FILIP1: variants seen among roughly 807,000 people sequenced by gnomAD.
FILIP1 encodes filamin-A-interacting protein 1.
A neutral mutation model predicts 102.1 loss-of-function variants in FILIP1; 61 were observed. The ratio of observed to expected loss-of-function variants is 0.60; its 90% CI spans 0.49 to 0.74. The LOEUF (loss-of-function observed/expected upper bound fraction) is 0.74, where lower values mean the gene tolerates loss of function less well. FILIP1 is among the 30% of genes least tolerant of loss of function. FILIP1 has a pLI of 0.00. For missense variants in FILIP1, 1,314 were observed against 1,441.2 expected (o/e 0.91, Z 1.43); for synonymous variants, 491 against 526.9 (o/e 0.93, Z 0.93).
intron 2 of FILIP1, among the ~76,000 whole-genome samples, chr6:75,394,378 G>T: frequency 6.6e-6 from 1 of 151,906 alleles, no homozygotes; most frequent in East Asian, 1.9e-4. Context: ...TCTAAGAGTG[G>T]GAAGGCCTCT....
chr6:75,300,156 G>T (rs556274213), intron 6 of FILIP1, among the ~76,000 whole-genome samples: 1 of 152,032 alleles, frequency 6.6e-6, no homozygotes, highest in Non-Finnish European at 1.5e-5. Context: ...AGCAAATAAG[G>T]CCACATCACT....
intron 4 of FILIP1, 32 bp from the exon 5 acceptor site, chr6:75,315,234 G>C: frequency 7.3e-7 from 1 of 1,376,120 alleles, no homozygotes; most frequent in South Asian, 1.6e-5. Flanking sequence ...TATGTTAAAA[G>C]AGTAATCAGC....
chr6:75,330,681 T>C (rs933599471), intron 4 of FILIP1, among the ~76,000 whole-genome samples: 1 of 152,214 alleles, frequency 6.6e-6, no homozygotes, highest in African/African-American at 2.4e-5. Context: ...AAAAATCCAG[T>C]AATTTAATTA....
intron 1 of FILIP1, among the ~76,000 whole-genome samples, chr6:75,417,370 T>G (rs941569925): frequency 6.6e-6 from 1 of 152,188 alleles, no homozygotes; most frequent in Non-Finnish European, 1.5e-5. Flanking sequence ...AATACAAAAG[T>G]ACTCAGCAAT....
chr6:75,455,310 T>C (rs1024996704), intron 1 of FILIP1: 2 of 151,066 alleles, frequency 1.3e-5, no homozygotes, highest in Admixed American at 1.3e-4. Flanking sequence ...GCCCATAAGG[T>C]AAATCAATTG....
intron 2 of FILIP1, among the ~76,000 whole-genome samples, chr6:75,395,650 T>C (rs1382831404): frequency 6.6e-6 from 1 of 152,178 alleles, no homozygotes; most frequent in East Asian, 1.9e-4. Context: ...TGAACACAAG[T>C]TTACTACTGA....
intron 4 of FILIP1, among the ~76,000 whole-genome samples, chr6:75,336,499 A>G (rs1048859252): frequency 2.0e-5 from 3 of 151,470 alleles, no homozygotes; most frequent in Non-Finnish European, 4.4e-5. Flanking sequence ...GGCAACATAA[A>G]CCCATGTGAA....
rs10455311 is a variant in FILIP1 at position 75,457,643 on chromosome 6, T to A, written c.-7+35771A>T. ...CTCTCTCTCTCTCTCTCTCTCTCTC[T>A]CTCTCGTTTCTGTTTTATCAATGCC... On this transcript the variant is annotated intron_variant, in intron 1 of 5. Transcript: ENST00000237172. 2.1e-4 allele frequency among the ~76,000 whole-genome samples: 32 copies of A among 151,142 alleles called. No homozygotes were observed. The South Asian group carries it at 4.8e-3, about 23-fold the overall frequency.
intron 1 of FILIP1, among the ~76,000 whole-genome samples, chr6:75,453,478 T>C (rs1778708930): frequency 6.6e-6 from 1 of 152,176 alleles, no homozygotes. Flanking sequence ...TAGACAACTG[T>C]TTGAAGTGCT....
At chr6:75,351,505 C>T (rs571716303) in intron 4 of FILIP1, among the ~76,000 whole-genome samples, 13 of 152,248 alleles carry the variant, frequency 8.5e-5, no homozygotes, top group East Asian at 3.9e-4. Flanking sequence ...CTGGTATTCA[C>T]GGCCATTTCC....
chr6:75,493,385 GAGTA>G (rs1318508069), intron 1 of FILIP1, 25 bp downstream of exon 1: 2 of 152,214 alleles, frequency 1.3e-5, no homozygotes, highest in South Asian at 2.1e-4. Context: ...TTTCTTAAGA[GAGTA>G]AGTATTTATT....
downstream of FILIP1, among the ~76,000 whole-genome samples, chr6:75,303,708 G>T (rs1248845421): frequency 6.6e-6 from 1 of 151,828 alleles, no homozygotes; most frequent in East Asian, 1.9e-4. Flanking sequence ...GTTACTGGAG[G>T]ACTTTTTCCT....
At chr6:75,421,626 C>T (rs1300800567) in intron 1 of FILIP1, among the ~76,000 whole-genome samples, 1 of 152,118 alleles carries the variant, frequency 6.6e-6, no homozygotes, top group Non-Finnish European at 1.5e-5. Flanking sequence ...TACTTCAGCT[C>T]GTACTGACTT....
At chr6:75,380,333 TATAA>T (rs1404079723) in intron 2 of FILIP1, among the ~76,000 whole-genome samples, 8 of 136,354 alleles carry the variant, frequency 5.9e-5, no homozygotes, top group African/African-American at 2.1e-4. Context: ...GCCTGAAAGG[TATAA>T]ATAGACAGTT....
In FILIP1 at chr6:75,414,704, T is replaced by C; in HGVS notation, c.269A>G (p.Glu90Gly). 1.2e-6 allele frequency: 2 copies of C among 1,610,894 alleles called. No individual in the cohort carries two copies. Among genetic ancestry groups the C allele is most frequent in the Non-Finnish European group, 1.7e-6 (2 of 1,178,210 alleles). ...GGGAAAGTTTGACTCTACCTGCAACTCCCCTTCCATTATACTGAGTAGTTG... is the reference window on the plus strand; with the variant it reads ...GGGAAAGTTTGACTCTACCTGCAACCCCCCTTCCATTATACTGAGTAGTTG... ...LIQLLSIMEG[E>G]LQAREDVIHM... Residue 90 changes from glutamate (E) to glycine (G), a missense_variant, in exon 2 of 6, where the codon GAG becomes GGG. By Grantham distance (98) the Glu-to-Gly change is moderately conservative. Around this residue, in one of 3 missense-constraint regions of FILIP1, gnomAD observed 494 missense variants for 511.2 expected, o/e 0.97. Coordinates refer to ENST00000237172, the MANE Select transcript of FILIP1 (RefSeq NM_015687.5).
intron 4 of FILIP1, among the ~76,000 whole-genome samples, chr6:75,338,604 CAA>C (rs1774319491): frequency 6.6e-6 from 1 of 152,160 alleles, no homozygotes; most frequent in African/African-American, 2.4e-5. Flanking sequence ...TGATACGAGA[CAA>C]CACATTTTTC....
intron 4 of FILIP1, among the ~76,000 whole-genome samples, chr6:75,345,500 G>A (rs1416255678): frequency 6.6e-6 from 1 of 152,086 alleles, no homozygotes; most frequent in African/African-American, 2.4e-5. Context: ...AAATGGCAGG[G>A]CCATCTTCTT....
chr6:75,303,225 A>T (rs940170940), downstream of FILIP1, among the ~76,000 whole-genome samples: 1 of 152,186 alleles, frequency 6.6e-6, no homozygotes, highest in Non-Finnish European at 1.5e-5. Context: ...GGCAGTATTG[A>T]AAATGGTTTT....
intron 2 of FILIP1, among the ~76,000 whole-genome samples, chr6:75,390,184 AT>A (rs943927411): frequency 6.6e-6 from 1 of 152,126 alleles, no homozygotes; most frequent in Non-Finnish European, 1.5e-5. Context: ...GATAATTTCT[AT>A]CCCACTCTCC....
Sources: gnomAD v4.1 joint callset for allele counts (sites outside exome capture counted in the v4.1 genomes callset) on GRCh38, gnomAD v4.1.1 for gene constraint, gnomAD v4.1.1 regional missense constraint, MANE v1.5 for transcripts, NCBI Gene and HGNC (gene_info 2026-07-23, HGNC 2026-07-21) for gene names.